NOL6: variants seen among roughly 807,000 people sequenced by gnomAD.
The protein encoded by NOL6 is nucleolar protein 6.
Under a neutral mutation model 131.7 loss-of-function variants are expected in NOL6, and 33 were observed. That is an observed-to-expected ratio of 0.25 (90% CI 0.19 to 0.33). The LOEUF (loss-of-function observed/expected upper bound fraction) is 0.33, where lower values mean the gene tolerates loss of function less well. Ranked by LOEUF, NOL6 falls within the 10% of genes least tolerant of loss-of-function variation. The pLI is 1.00. For synonymous variants in NOL6, 580 were observed against 605.7 expected, an observed-to-expected ratio of 0.96 and a Z score of 0.62; for missense variants, 1,297 against 1,494.5, an observed-to-expected ratio of 0.87 and a Z score of 2.18.
At position 33,468,807 on chromosome 9, in the gene NOL6, C is replaced by T; in HGVS notation, c.1092G>A (p.Lys364=). 1.2e-6 allele frequency: 2 copies of T among 1,614,188 alleles called. No homozygotes were observed. Among genetic ancestry groups the T allele is most frequent in the Non-Finnish European group, 1.7e-6 (2 of 1,180,020 alleles). ...MLVVFLVSTR[K]IHTTMSGYQV... ...GGTAGCCACTCATGGTGGTATGGAT[C>T]TTGCGTGTAGACACAAGGAAGACAA... The change falls in exon 8 of 26, where the codon AAG becomes AAA. Residue 364 remains lysine (K), a synonymous_variant. Transcript: ENST00000297990.
In NOL6 at chr9:33,463,928, G is replaced by T. The variant is rs368464990; in HGVS notation, c.2905-8C>A. 1 of 1,614,148 alleles carries T rather than the reference G, an allele frequency of 6.2e-7. No individual in the cohort carries two copies. Among genetic ancestry groups the T allele is most frequent in the Non-Finnish European group, 8.5e-7 (1 of 1,180,012 alleles). On this transcript the variant is annotated splice_region_variant and splice_polypyrimidine_tract_variant and intron_variant, in intron 22 of 25. Transcript: ENST00000297990. ...CACAAGCTGCTGCAGGATCTGCGGGGTACAGACACATCAGACTGGAACTGA... is the reference window on the plus strand; with the variant it reads ...CACAAGCTGCTGCAGGATCTGCGGGTTACAGACACATCAGACTGGAACTGA...
rs1178747779 is a variant in NOL6 at position 33,462,724 on chromosome 9, A to G, written c.3381T>C (p.Ala1127=). 1 of 1,614,164 alleles carries G rather than the reference A, an allele frequency of 6.2e-7. No homozygotes were observed. Among genetic ancestry groups the G allele is most frequent in the Admixed American group, 1.7e-5 (1 of 60,014 alleles). The change falls in exon 26 of 26, where the codon GCT becomes GCC. Residue 1127 remains alanine, a synonymous_variant. Coordinates refer to ENST00000297990, the MANE Select transcript of NOL6 (RefSeq NM_022917.5). ...TCTGCACCAGGCCTTCACCCAGCACAGCAAAGTCCTCCAGGATTGCTTCAA... is the reference window on the plus strand; with the variant it reads ...TCTGCACCAGGCCTTCACCCAGCACGGCAAAGTCCTCCAGGATTGCTTCAA... ...PNVEAILEDF[A]VLGEGLVQTV... is the part of the protein sequence containing the mutation.
At chr9:33,465,130 G>A in intron 20 of NOL6, 77 bp downstream of exon 20, 1 of 1,527,706 alleles carries the variant, frequency 6.5e-7, no homozygotes, top group Non-Finnish European at 8.9e-7. Flanking sequence ...TTCCCATGTA[G>A]ACTTAGGGTG....
intron 25 of NOL6, 42 bp downstream of exon 25, chr9:33,462,991 C>G (rs552516642): frequency 6.3e-7 from 1 of 1,583,016 alleles, no homozygotes; most frequent in Non-Finnish European, 8.7e-7. Context: ...CACAGAACCA[C>G]GTGCACACAC....
At position 33,467,616 on chromosome 9, in the gene NOL6, T is replaced by A; in HGVS notation, c.1602+75A>T. 1.3e-6 allele frequency: 2 copies of A among 1,560,728 alleles called. No homozygotes were observed. Among genetic ancestry groups the A allele is most frequent in the Non-Finnish European group, 1.7e-6 (2 of 1,151,768 alleles). ...TAGAAACGCCTAGCTGGAGGAATGG[T>A]GTGTCCTTTGTGTCTCTTGGGACCC... On this transcript the variant is annotated intron_variant, in intron 12 of 25. Coordinates refer to ENST00000297990, the MANE Select transcript of NOL6 (RefSeq NM_022917.5). This position sits in a 1 kb window ranked among gnomAD's most constrained non-coding sequence, Gnocchi z 4.4.
Position 33,463,840 on chromosome 9 carries a change from C to T in NOL6, c.2985G>A (p.Gly995=), listed in dbSNP as rs116710354. 3 of 1,614,072 alleles carry T rather than the reference C, an allele frequency of 1.9e-6. No homozygotes were observed. In the East Asian group the frequency reaches 6.7e-5, roughly 36 times the overall value. The change falls in exon 23 of 26, where the codon GGG becomes GGA. Residue 995 remains glycine, a synonymous_variant. Transcript: ENST00000297990. Reference sequence around the variant, plus strand: ...CTGGTCAGAAGCTTACCCTGATGTCCCCAGGTCCCCGGGGATCCATGAGCT... The same window carrying T: ...CTGGTCAGAAGCTTACCCTGATGTCTCCAGGTCCCCGGGGATCCATGAGCT... ...EKQLMDPRGP[G]DIRTVFRPPL...
chr9:33,461,823 A>T lies in NOL6; in HGVS notation c.*841T>A. ...GAAAGTGGGTGTAGACCAGACTGAA[A>T]GGAGGCAGCATTCTCCTCCTTGGGC... On this transcript the variant is annotated 3_prime_UTR_variant, in exon 26 of 26. Coordinates refer to ENST00000297990, the MANE Select transcript of NOL6 (RefSeq NM_022917.5). The T allele has an allele frequency of 3.9e-6, 1 of 257,480 alleles. No individual in the cohort carries two copies. The highest frequency in any genetic ancestry group is 7.5e-5 in the East Asian group (1 of 13,262). 15.9% of individuals were successfully genotyped at this position (257,480 alleles called of 1,614,324 possible). A position where few individuals can be genotyped will look rare whatever the true frequency, so the allele number is the denominator to read the frequency against.
chr9:33,466,235 AAG>A lies in NOL6; in HGVS notation c.2210-12_2210-11del. ...TCCAGGTGACAAACCACTGAGGAAG[AAG>A]AGTCAGAGGTCTCATACTGTGGCCT... is the stretch of plus-strand genomic sequence containing the variant. On this transcript the variant is annotated splice_polypyrimidine_tract_variant and intron_variant, in intron 17 of 25. Transcript: ENST00000297990. 1.2e-6 allele frequency: 2 copies of A among 1,608,510 alleles called. No homozygotes were observed. Among genetic ancestry groups the A allele is most frequent in the Non-Finnish European group, 8.5e-7 (1 of 1,176,360 alleles).
At chr9:33,471,979 C>T in intron 3 of NOL6, 25 bp downstream of exon 3, 1 of 1,553,752 alleles carries the variant, frequency 6.4e-7, no homozygotes, top group Non-Finnish European at 8.9e-7. Context: ...CTTGGGCTTC[C>T]CAGTTCCCCA....
In NOL6 at chr9:33,466,193, G is replaced by A; in HGVS notation, c.2242C>T (p.Pro748Ser). ...VCHLEGSGQW[P>S]QDAEAVQRVR... ...CGCTGCACGGCCTCAGCGTCCTGTG[G>A]CCACTGGCCACTGCCCTCCAGGTGA... The change falls in exon 18 of 26, where the codon CCA (proline) becomes TCA (serine). Residue 748 changes from proline to serine, a missense_variant. By Grantham distance (74) the Pro-to-Ser change is moderately conservative (BLOSUM62 -1). Transcript: ENST00000297990. 6.2e-7 allele frequency: 1 copy of A among 1,612,376 alleles called. No individual in the cohort carries two copies. The highest frequency in any genetic ancestry group is 8.5e-7 in the Non-Finnish European group (1 of 1,179,236).
chr9:33,467,591 T>C lies in NOL6; in HGVS notation c.1603-75A>G, dbSNP rs1563878787. 1 of 1,586,516 alleles carries C rather than the reference T, an allele frequency of 6.3e-7. No individual in the cohort carries two copies. Among genetic ancestry groups the C allele is most frequent in the Non-Finnish European group, 8.6e-7 (1 of 1,164,220 alleles). On this transcript the variant is annotated intron_variant, in intron 12 of 25. Transcript: ENST00000297990. This position sits in a 1 kb window ranked among gnomAD's most constrained non-coding sequence, Gnocchi z 4.4. The stretch of plus-strand genomic sequence containing the variant: ...CCTAGAAACCTACTTTCTAGCTAGC[T>C]AGAAACGCCTAGCTGGAGGAATGGT...
Position 33,462,351 on chromosome 9 carries a change from C to A in NOL6, c.*313G>T. On this transcript the variant is annotated 3_prime_UTR_variant, in exon 26 of 26. Coordinates refer to ENST00000297990, the MANE Select transcript of NOL6 (RefSeq NM_022917.5). Reference sequence around the variant, plus strand: ...AGACTAAGAAAGGAGTGGGAAATCGCAGGGAGGTCCAGGCCCAGGGCTAAT... The same window carrying A: ...AGACTAAGAAAGGAGTGGGAAATCGAAGGGAGGTCCAGGCCCAGGGCTAAT... 1.5e-6 allele frequency: 1 copy of A among 658,830 alleles called. No homozygotes were observed. The highest frequency in any genetic ancestry group is 2.8e-6 in the Non-Finnish European group (1 of 359,994). The allele number at this position is 658,830 out of a possible 1,614,324, so 40.8% of individuals were successfully genotyped here.
chr9:33,462,691 C>G lies in NOL6; in HGVS notation c.3414G>C (p.Glu1138Asp). Reference protein sequence around the residue: ...VLGEGLVQTVEARSERWTV With the variant: ...VLGEGLVQTVDARSERWTV Reference sequence around the variant, plus strand: ...ACACAGTCCACCTCTCACTTCGGGCCTCCACAGTCTGCACCAGGCCTTCAC... The same window carrying G: ...ACACAGTCCACCTCTCACTTCGGGCGTCCACAGTCTGCACCAGGCCTTCAC... The change falls in exon 26 of 26, where the codon GAG (glutamate) becomes GAC (aspartate). Residue 1138 changes from glutamate to aspartate, a missense_variant. Transcript: ENST00000297990. The G allele has an allele frequency of 6.2e-7, 1 of 1,614,166 alleles. No individual in the cohort carries two copies. The highest frequency in any genetic ancestry group is 1.1e-5 in the South Asian group (1 of 91,076).
In NOL6 at chr9:33,462,716, C is replaced by T; in HGVS notation, c.3389G>A (p.Gly1130Asp). 1 of 1,614,164 alleles carries T rather than the reference C, an allele frequency of 6.2e-7. No individual in the cohort carries two copies. The highest frequency in any genetic ancestry group is 1.1e-5 in the South Asian group (1 of 91,082). Residue 1130 changes from glycine to aspartate, a missense_variant, in exon 26 of 26, where the codon GGT (glycine) becomes GAT (aspartate). By Grantham distance (94) the Gly-to-Asp change is moderately conservative. Transcript: ENST00000297990. ...EAILEDFAVL[G>D]EGLVQTVEAR... ...CTCCACAGTCTGCACCAGGCCTTCA[C>T]CCAGCACAGCAAAGTCCTCCAGGAT... is the stretch of plus-strand genomic sequence containing the variant.
Position 33,467,151 on chromosome 9 carries a change from G to A in NOL6, c.1837C>T (p.Leu613Phe). Residue 613 changes from leucine to phenylalanine, a missense_variant, in exon 14 of 26, where the codon CTT becomes TTT. Physicochemically the swap from Leu to Phe is conservative, Grantham distance 22. Transcript: ENST00000297990. This position sits in a 1 kb window ranked among gnomAD's most constrained non-coding sequence, Gnocchi z 4.4. ...WEAASMSQKR[L>F]IPHQVVTHLL... ...TGGGTGACCACCTGGTGGGGAATAA[G>A]GCGCTTCTGGGACATAGAGGCTGCC... The A allele has an allele frequency of 4.3e-6, 7 of 1,614,214 alleles. No individual in the cohort carries two copies. Among genetic ancestry groups the A allele is most frequent in the Non-Finnish European group, 5.9e-6 (7 of 1,180,052 alleles).
At position 33,464,025 on chromosome 9, in the gene NOL6, A is replaced by G; in HGVS notation, c.2904+12T>C. 1 of 1,613,062 alleles carries G rather than the reference A, an allele frequency of 6.2e-7. No homozygotes were observed. Among genetic ancestry groups the G allele is most frequent in the Non-Finnish European group, 8.5e-7 (1 of 1,179,220 alleles). On this transcript the variant is annotated intron_variant, in intron 22 of 25. Transcript: ENST00000297990. ...GAAAACCACACATTAGGGGGCAGGTATGGGGTTGAACCTGGGCTGAGGGTC... is the reference window on the plus strand; with the variant it reads ...GAAAACCACACATTAGGGGGCAGGTGTGGGGTTGAACCTGGGCTGAGGGTC...
rs41314586 is a variant in NOL6 at position 33,468,706 on chromosome 9, C to G, written c.1147+46G>C. Reference sequence around the variant, plus strand: ...GACTGCTACTGGGATGAGAGGATTCCCAGGAGGAGTGGAGCCCCTGGCCTT... The same window carrying G: ...GACTGCTACTGGGATGAGAGGATTCGCAGGAGGAGTGGAGCCCCTGGCCTT... On this transcript the variant is annotated intron_variant, in intron 8 of 25. Coordinates refer to ENST00000297990, the MANE Select transcript of NOL6 (RefSeq NM_022917.5). 9,027 of 1,613,162 alleles carry G rather than the reference C, an allele frequency of 5.6e-3. 46 individuals carry two copies. The highest frequency in any genetic ancestry group is 0.012 in the Middle Eastern group (73 of 6,052).
Position 33,464,788 on chromosome 9 carries a change from C to T in NOL6, c.2779+91G>A, listed in dbSNP as rs997705843. The T allele has an allele frequency of 5.6e-6, 5 of 891,842 alleles. No homozygotes were observed. In the Admixed American group the frequency reaches 8.1e-5, roughly 15 times the overall value. 55.2% of individuals were successfully genotyped at this position (891,842 alleles called of 1,614,324 possible). On this transcript the variant is annotated intron_variant, in intron 21 of 25. Transcript: ENST00000297990. ...TTAGACATCTGGGGCTGGGGAGGCA[C>T]AGAGAAAACCTAACACTGCCAGGGA...
chr9:33,472,356 C>G lies in NOL6; in HGVS notation c.111G>C (p.Arg37Ser). The part of the protein sequence containing the change: ...TGKEGKKASS[R>S]KRTLAEPPAK... ...CTGGAGGTTCAGCCAATGTACGCTT[C>G]CTGGAGGATGCTTTCTTCCCCTCTT... The change falls in exon 2 of 26, where the codon AGG becomes AGC. Residue 37 changes from arginine (R) to serine (S), a missense_variant. By Grantham distance (110) the Arg-to-Ser change is moderately radical. Coordinates refer to ENST00000297990, the MANE Select transcript of NOL6 (RefSeq NM_022917.5). 5 of 1,614,196 alleles carry G rather than the reference C, an allele frequency of 3.1e-6. No individual in the cohort carries two copies. The highest frequency in any genetic ancestry group is 4.2e-6 in the Non-Finnish European group (5 of 1,180,048).
Sources: gnomAD v4.1 joint callset for allele counts on GRCh38, gnomAD v4.1.1 for gene constraint, Gnocchi (gnomAD v3.1) non-coding constraint, MANE v1.5 for transcripts, NCBI Gene and HGNC (gene_info 2026-07-23, HGNC 2026-07-21) for gene names.